Variants in CALN1 observed in about 807,000 individuals in gnomAD.
CALN1 encodes the protein calcium-binding protein 8.
In CALN1, 17 loss-of-function variants were observed where a neutral mutation model predicts 30.6. The observed-to-expected ratio is 0.56, with a 90% CI of 0.38 to 0.83. The LOEUF (loss-of-function observed/expected upper bound fraction) is 0.83. CALN1 is among the 40% of genes least tolerant of loss of function. CALN1 has a pLI of 0.00. For synonymous variants in CALN1, 156 were observed against 131.4 expected, an observed-to-expected ratio of 1.19 and a Z score of -1.28; for missense variants, 291 against 354.9, an observed-to-expected ratio of 0.82 and a Z score of 1.45.
chr7:71,819,541 C>T (rs1487857074), intron 5 of CALN1, among the ~76,000 whole-genome samples: 2 of 152,178 alleles, frequency 1.3e-5, no homozygotes, highest in African/African-American at 4.8e-5. Flanking sequence ...GCATTAAGTA[C>T]TTTCACAGTG....
At chr7:72,286,757 C>T (rs775749874) in intron 2 of CALN1, among the ~76,000 whole-genome samples, 5 of 152,120 alleles carry the variant, frequency 3.3e-5, no homozygotes, top group East Asian at 1.9e-4. Flanking sequence ...AAAACACTAA[C>T]GTAGTGGTCT....
rs568396921 is a variant in CALN1, at chr7:72,044,779, T to C, written c.389-21010A>G. Among the ~76,000 whole-genome samples, 15 of 151,952 alleles carry C rather than the reference T, an allele frequency of 9.9e-5. No homozygotes were observed. In the South Asian group the frequency reaches 1.9e-3, roughly 19 times the overall value. ...GGGGTGCGCCACCATGCCTGGCTAATTTTTTATTTATTTAGTTATTCGAAG... is the reference window on the plus strand; with the variant it reads ...GGGGTGCGCCACCATGCCTGGCTAACTTTTTATTTATTTAGTTATTCGAAG... On this transcript the variant is annotated intron_variant, in intron 4 of 6. Coordinates refer to ENST00000395275, the MANE Select transcript of CALN1 (RefSeq NM_031468.4).
chr7:72,229,006 G>A (rs1411803053), intron 3 of CALN1, among the ~76,000 whole-genome samples: 3 of 150,724 alleles, frequency 2.0e-5, no homozygotes. Flanking sequence ...TTGAACTCCT[G>A]GGCTCAAGTG....
intron 3 of CALN1, among the ~76,000 whole-genome samples, chr7:72,166,606 TCCTA>T (rs1399319974): frequency 3.9e-5 from 6 of 152,206 alleles, no homozygotes; most frequent in Non-Finnish European, 8.8e-5. Flanking sequence ...ACTACCTCCC[TCCTA>T]CCTAACAGTC....
intron 4 of CALN1, among the ~76,000 whole-genome samples, chr7:72,089,166 A>G (rs1805683697): frequency 6.6e-6 from 1 of 152,166 alleles, no homozygotes; most frequent in Non-Finnish European, 1.5e-5. Flanking sequence ...TAAAATTAAC[A>G]AAGAACAGAA....
chr7:72,393,463 CAAAAAA>C (rs1805712930), intron 2 of CALN1, among the ~76,000 whole-genome samples: 1 of 152,042 alleles, frequency 6.6e-6, no homozygotes, highest in Non-Finnish European at 1.5e-5. Context: ...GACTCCGTCT[CAAAAAA>C]CAAAACAAAC....
chr7:71,814,222 T>G (rs543001315), intron 5 of CALN1, among the ~76,000 whole-genome samples: 1 of 152,268 alleles, frequency 6.6e-6, no homozygotes, highest in African/African-American at 2.4e-5. Context: ...GTATCCCATG[T>G]TTTGCTTTCC....
intron 3 of CALN1, among the ~76,000 whole-genome samples, chr7:72,115,446 T>A (rs1033046045): frequency 1.3e-5 from 2 of 150,172 alleles, no homozygotes; most frequent in African/African-American, 4.9e-5. Flanking sequence ...TGTTAAGTGT[T>A]CAGTTCAGTA....
At chr7:71,953,362 T>A (rs2129524335) in intron 5 of CALN1, among the ~76,000 whole-genome samples, 1 of 152,268 alleles carries the variant, frequency 6.6e-6, no homozygotes, top group South Asian at 2.1e-4. Context: ...CTGCACTATT[T>A]AAGTAGATGC....
Position 72,203,979 on chromosome 7 carries a change from C to CTATTTTTTTTTT in CALN1, c.244+74706_244+74707insAAAAAAAAAATA, listed in dbSNP as rs59798860. Among the ~76,000 whole-genome samples the CTATTTTTTTTTT allele has an allele frequency of 1.4e-4, 12 of 83,812 alleles. 1 individual carries two copies. Among genetic ancestry groups the CTATTTTTTTTTT allele is most frequent in the Middle Eastern group, 8.9e-3 (1 of 112 alleles). The allele number at this position is 83,812 out of a possible 152,430, so 55.0% of individuals were successfully genotyped here. ...TAGCCTTCATATAAGAGGCCTCTCTCTTTTTTTTTTTTTTTTTTTTTTTTT... is the reference window on the plus strand; with the variant it reads ...TAGCCTTCATATAAGAGGCCTCTCTCTATTTTTTTTTTTTTTTTTTTTTTTTTTTTTTTTTTT... On this transcript the variant is annotated intron_variant, in intron 3 of 6. Coordinates refer to ENST00000395275, the MANE Select transcript of CALN1 (RefSeq NM_031468.4).
intron 3 of CALN1, among the ~76,000 whole-genome samples, chr7:72,182,925 C>T (rs1039285998): frequency 6.6e-6 from 1 of 152,100 alleles, no homozygotes; most frequent in Non-Finnish European, 1.5e-5. Flanking sequence ...GAAGGTCGAA[C>T]GGGACCAGGT....
intron 2 of CALN1, among the ~76,000 whole-genome samples, chr7:72,335,749 G>A (rs1229218301): frequency 6.6e-6 from 1 of 152,206 alleles, no homozygotes; most frequent in Non-Finnish European, 1.5e-5. Context: ...AAGAGCAGTG[G>A]GAAACGATGG....
chr7:72,273,496 A>C (rs1797135168), intron 3 of CALN1, among the ~76,000 whole-genome samples: 1 of 131,642 alleles, frequency 7.6e-6, no homozygotes, highest in Non-Finnish European at 1.5e-5. Context: ...GAAGAAGGCA[A>C]GATTCTTTTT....
chr7:72,295,406 A>G (rs1798783897), intron 2 of CALN1, among the ~76,000 whole-genome samples: 1 of 152,110 alleles, frequency 6.6e-6, no homozygotes, highest in South Asian at 2.1e-4. Flanking sequence ...GAAGAAAGGC[A>G]TTGGTAGCTT....
At chr7:72,439,449 T>A (rs750408578) in intron 1 of CALN1, among the ~76,000 whole-genome samples, 45 of 152,232 alleles carry the variant, frequency 3.0e-4, no homozygotes, top group Non-Finnish European at 5.0e-4. Context: ...ATGTAATATA[T>A]TCTGTATTCT....
chr7:71,965,043 T>C (rs1797463678), intron 5 of CALN1, among the ~76,000 whole-genome samples: 1 of 152,146 alleles, frequency 6.6e-6, no homozygotes, highest in Admixed American at 6.6e-5. Flanking sequence ...CTTTTTAATT[T>C]TGGAGACATG....
At chr7:72,403,759 C>G (rs554714086) in intron 1 of CALN1, among the ~76,000 whole-genome samples, 1 of 152,150 alleles carries the variant, frequency 6.6e-6, no homozygotes, top group Non-Finnish European at 1.5e-5. Context: ...AAAGCTATAG[C>G]CGCCAAAGTG....
At chr7:72,324,559 A>ATTTATTT (rs1801130068) in intron 2 of CALN1, among the ~76,000 whole-genome samples, 2 of 129,870 alleles carry the variant, frequency 1.5e-5, no homozygotes, top group African/African-American at 5.4e-5. Context: ...TAAATGATGT[A>ATTTATTT]ATTTATTTAT....
At chr7:72,310,345 T>A (rs1799955751) in intron 2 of CALN1, among the ~76,000 whole-genome samples, 1 of 149,628 alleles carries the variant, frequency 6.7e-6, no homozygotes, top group Non-Finnish European at 1.5e-5. Context: ...TCACAGAGGC[T>A]GATATGTGGT....
Sources: gnomAD v4.1 joint callset for allele counts (sites outside exome capture counted in the v4.1 genomes callset) on GRCh38, gnomAD v4.1.1 for gene constraint, MANE v1.5 for transcripts, NCBI Gene and HGNC (gene_info 2026-07-23, HGNC 2026-07-21) for gene names.